CHCHD6: variants seen among roughly 807,000 people sequenced by gnomAD.
CHCHD6 encodes the protein MICOS complex subunit MIC25.
CHCHD6 carries 28 observed loss-of-function variants against 32.3 expected under a neutral mutation model. That is an observed-to-expected ratio of 0.87 (90% CI 0.64 to 1.19). The LOEUF is 1.19. CHCHD6 is among the 50% of genes most tolerant of loss of function. The pLI is 0.00. For missense variants in CHCHD6, 333 were observed against 307.0 expected (o/e 1.08, Z -0.63); for synonymous variants, 122 against 117.5 (o/e 1.04, Z -0.25).
chr3:126,837,735 T>C (rs1467664368), intron 4 of CHCHD6, among the ~76,000 whole-genome samples: 1 of 152,196 alleles, frequency 6.6e-6, no homozygotes, highest in African/African-American at 2.4e-5. Flanking sequence ...TGTTTTGTCA[T>C]GACCAAGATT....
At chr3:126,796,533 A>G (rs1261835738) in intron 4 of CHCHD6, among the ~76,000 whole-genome samples, 1 of 152,118 alleles carries the variant, frequency 6.6e-6, no homozygotes, top group African/African-American at 2.4e-5. Flanking sequence ...TTTCCAAGAG[A>G]AGGATTTAAA....
chr3:126,922,973 G>A (rs1161727417), intron 6 of CHCHD6, among the ~76,000 whole-genome samples: 9 of 152,170 alleles, frequency 5.9e-5, no homozygotes, highest in African/African-American at 2.2e-4. Flanking sequence ...GGGGTGAGCC[G>A]CCATTACTGG....
chr3:126,764,781 C>G (rs559852389), intron 4 of CHCHD6, among the ~76,000 whole-genome samples: 30 of 152,314 alleles, frequency 2.0e-4, no homozygotes, highest in Admixed American at 3.3e-4. Context: ...ATCAGGCTGT[C>G]TCCTGGAAGT....
At chr3:126,760,744 A>C (rs1016838959) in intron 4 of CHCHD6, among the ~76,000 whole-genome samples, 3 of 152,248 alleles carry the variant, frequency 2.0e-5, no homozygotes, top group Non-Finnish European at 4.4e-5. Context: ...GTTGATGGGC[A>C]CTTGAGTTGT....
intron 5 of CHCHD6, among the ~76,000 whole-genome samples, chr3:126,914,450 A>G (rs930687782): frequency 6.6e-6 from 1 of 152,168 alleles, no homozygotes; most frequent in African/African-American, 2.4e-5. Flanking sequence ...TGGTCTGCCA[A>G]CCCCTGAGCT....
chr3:126,935,370 C>T (rs371427306), intron 6 of CHCHD6, among the ~76,000 whole-genome samples: 2 of 152,220 alleles, frequency 1.3e-5, no homozygotes, highest in East Asian at 1.9e-4. Context: ...CACACAGCAT[C>T]TCCTGACCAA....
In CHCHD6 at chr3:126,925,483, G is replaced by A. The variant is rs535703673; in HGVS notation, c.566+10733G>A. ...TGATAACCAAGGGAAGTTGTACAGC[G>A]CTCATCTTCCTGTGTAAATGTTTAA... On this transcript the variant is annotated intron_variant, in intron 6 of 7. Transcript: ENST00000290913. 4.6e-5 allele frequency among the ~76,000 whole-genome samples: 7 copies of A among 152,312 alleles called. No homozygotes were observed. The South Asian group carries it at 6.2e-4, about 14-fold the overall frequency.
chr3:126,766,883 C>T, intron 4 of CHCHD6: 2 of 976,648 alleles, frequency 2.0e-6, no homozygotes, highest in Admixed American at 1.7e-5. Context: ...AGGTGGGGGA[C>T]CATCTCATCC....
chr3:126,954,517 G>A (rs745750400), intron 6 of CHCHD6, among the ~76,000 whole-genome samples: 8 of 152,220 alleles, frequency 5.3e-5, no homozygotes, highest in South Asian at 2.1e-4. Flanking sequence ...GCCTCCGCCT[G>A]TCCTGTCTAT....
At chr3:126,822,453 A>T (rs1163272507) in intron 4 of CHCHD6, among the ~76,000 whole-genome samples, 3 of 152,188 alleles carry the variant, frequency 2.0e-5, no homozygotes, top group Non-Finnish European at 2.9e-5. Flanking sequence ...CCAGTACCAC[A>T]CTGTCTTGAT....
intron 4 of CHCHD6, among the ~76,000 whole-genome samples, chr3:126,834,317 A>G (rs954583563): frequency 6.6e-6 from 1 of 152,184 alleles, no homozygotes; most frequent in Admixed American, 6.5e-5. Context: ...TATAGGATAT[A>G]TTTAAGTGCT....
At chr3:126,795,345 A>AAATTTTCT (rs1938744503) in intron 4 of CHCHD6, among the ~76,000 whole-genome samples, 2 of 152,254 alleles carry the variant, frequency 1.3e-5, no homozygotes, top group Admixed American at 1.3e-4. Flanking sequence ...GGAAAGCATT[A>AAATTTTCT]AATAAGAAGG....
At chr3:126,911,759 G>A (rs2078094271) in intron 5 of CHCHD6, among the ~76,000 whole-genome samples, 2 of 152,232 alleles carry the variant, frequency 1.3e-5, no homozygotes, top group African/African-American at 4.8e-5. Flanking sequence ...CTGGCAGTAT[G>A]GCATCTTGAG....
At chr3:126,804,953 A>G (rs1166038323) in intron 4 of CHCHD6, among the ~76,000 whole-genome samples, 1 of 152,140 alleles carries the variant, frequency 6.6e-6, no homozygotes, top group East Asian at 1.9e-4. Context: ...CAAAAACCAC[A>G]TGATTATCTC....
chr3:126,901,033 C>G (rs1559911909), intron 5 of CHCHD6, among the ~76,000 whole-genome samples: 1 of 152,156 alleles, frequency 6.6e-6, no homozygotes, highest in East Asian at 1.9e-4. Flanking sequence ...ACCTCCAACA[C>G]TGGGGAGGTG....
chr3:126,926,864 A>T (rs2107596545), intron 6 of CHCHD6, among the ~76,000 whole-genome samples: 1 of 151,974 alleles, frequency 6.6e-6, no homozygotes, highest in Non-Finnish European at 1.5e-5. Context: ...GCCAGGAATG[A>T]CTCACCCATT....
chr3:126,803,739 C>T (rs747490849), intron 4 of CHCHD6, among the ~76,000 whole-genome samples: 8 of 152,200 alleles, frequency 5.3e-5, no homozygotes, highest in Non-Finnish European at 1.5e-5. Context: ...GAACTCTCCA[C>T]CCCAGATCAA....
chr3:126,827,522 C>G (rs940461556), intron 4 of CHCHD6, among the ~76,000 whole-genome samples: 1 of 152,184 alleles, frequency 6.6e-6, no homozygotes, highest in African/African-American at 2.4e-5. Context: ...CCTAGGGTGC[C>G]TTCCAGGAAC....
At chr3:126,726,429 G>A (rs954053628) in intron 1 of CHCHD6, among the ~76,000 whole-genome samples, 5 of 152,092 alleles carry the variant, frequency 3.3e-5, no homozygotes, top group African/African-American at 1.2e-4. Context: ...ATATAACAAT[G>A]AAAAAGCTTC....
Sources: gnomAD v4.1 joint callset for allele counts (sites outside exome capture counted in the v4.1 genomes callset) on GRCh38, gnomAD v4.1.1 for gene constraint, MANE v1.5 for transcripts, NCBI Gene and HGNC (gene_info 2026-07-23, HGNC 2026-07-21) for gene names.